Variants in PLEKHH2 observed in about 807,000 individuals in gnomAD.
PLEKHH2 encodes the protein pleckstrin homology, MyTH4 and FERM domain containing H2.
Under a neutral mutation model 187.9 loss-of-function variants are expected in PLEKHH2, and 129 were observed. The observed-to-expected ratio is 0.69, with a 90% CI of 0.59 to 0.79. PLEKHH2 has a LOEUF of 0.79. Among genes scored for constraint, PLEKHH2 ranks in the 30% least tolerant of loss-of-function variants. The probability of loss-of-function intolerance (pLI) is 0.00; values close to 1 mark genes in which losing one functional copy is unlikely to be tolerated. For synonymous variants in PLEKHH2, 686 were observed against 605.6 expected (o/e 1.13, Z -1.95); for missense variants, 2,076 against 1,751.2 (o/e 1.19, Z -3.31).
At chr2:43,646,366 C>A (rs17335631) in intron 2 of PLEKHH2, among the ~76,000 whole-genome samples, 37,108 of 151,980 alleles carry the variant, frequency 0.24, 4,878 homozygotes, top group Non-Finnish European at 0.31. Flanking sequence ...TGTCAGGATC[C>A]ACCAATTATG....
chr2:43,766,128 T>C lies in PLEKHH2; in HGVS notation c.*530T>C, dbSNP rs927828028. The C allele has an allele frequency of 1.3e-5, 2 of 152,876 alleles. No homozygotes were observed. The highest frequency in any genetic ancestry group is 2.1e-4 in the South Asian group (1 of 4,848). The allele number at this position is 152,876 out of a possible 1,614,324, so 9.5% of individuals were successfully genotyped here. A position where few individuals can be genotyped will look rare whatever the true frequency, so the allele number is the denominator to read the frequency against. ...GCGAGGAGTACATTTTCAGAGCAGG[T>C]GCAGTACATCTTCCGGCTCTATGAA... On this transcript the variant is annotated 3_prime_UTR_variant, in exon 30 of 30. Transcript: ENST00000282406.
intron 2 of PLEKHH2, among the ~76,000 whole-genome samples, chr2:43,669,663 C>T (rs1430975663): frequency 6.6e-6 from 1 of 151,690 alleles, no homozygotes; most frequent in Non-Finnish European, 1.5e-5. Context: ...AATGGATAAA[C>T]TCAACACATA....
chr2:43,753,730 G>A lies in PLEKHH2; in HGVS notation c.3765G>A (p.Leu1255=). ...INGLFPLNKD[L]ALEMAALLSQ... ...GACTTTTTCCTCTGAACAAAGATCT[G>A]GCATTAGAAATGGCAGCTCTTTTAT... The change falls in exon 25 of 30, where the codon CTG becomes CTA. Residue 1255 remains leucine, a synonymous_variant. Transcript: ENST00000282406. 6.3e-7 allele frequency: 1 copy of A among 1,575,044 alleles called. No homozygotes were observed. The highest frequency in any genetic ancestry group is 1.4e-5 in the African/African-American group (1 of 72,826).
chr2:43,767,986 C>T lies in PLEKHH2; in HGVS notation c.*2388C>T, dbSNP rs1417398032. ...GTCATAATAAATGATTTACAAAACC[C>T]ATTTTGAGCATTATCTTTTGAATAA... On this transcript the variant is annotated 3_prime_UTR_variant, in exon 30 of 30. Transcript: ENST00000282406. The T allele has an allele frequency of 2.0e-5, 3 of 152,652 alleles. No homozygotes were observed. The highest frequency in any genetic ancestry group is 2.0e-4 in the Admixed American group (3 of 15,280). The allele number at this position is 152,652 out of a possible 1,614,324, so 9.5% of individuals were successfully genotyped here.
chr2:43,742,771 C>T lies in PLEKHH2; in HGVS notation c.3252C>T (p.Cys1084=). The change falls in exon 22 of 30, where the codon TGC becomes TGT. Residue 1084 remains cysteine, a synonymous_variant. Coordinates refer to ENST00000282406, the MANE Select transcript of PLEKHH2 (RefSeq NM_172069.4). ...AATTTGGAAAATATGCCATTTACTG[C>T]CAGCGTTGTGTAGAAAGAACGCAAC... The part of the protein sequence containing the change: ...RTEFGKYAIY[C]QRCVERTQQN... The T allele has an allele frequency of 1.3e-6, 2 of 1,590,320 alleles. No individual in the cohort carries two copies. The highest frequency in any genetic ancestry group is 1.4e-5 in the African/African-American group (1 of 73,762).
chr2:43,697,452 T>A, intron 7 of PLEKHH2, 96 bp downstream of exon 7: 1 of 1,022,216 alleles, frequency 9.8e-7, no homozygotes, highest in Non-Finnish European at 1.4e-6. Context: ...TTCCTTATTT[T>A]TTTCTGACAA....
intron 3 of PLEKHH2, among the ~76,000 whole-genome samples, chr2:43,687,966 T>G (rs1319066133): frequency 6.6e-6 from 1 of 152,066 alleles, no homozygotes; most frequent in African/African-American, 2.4e-5. Context: ...TCAGCTAATA[T>G]TTTAGAATTT....
chr2:43,684,603 AG>A (rs1395303043), intron 3 of PLEKHH2, among the ~76,000 whole-genome samples: 2 of 152,158 alleles, frequency 1.3e-5, no homozygotes, highest in Non-Finnish European at 2.9e-5. Flanking sequence ...TCTTTAAAAA[AG>A]GATCCTTGTT....
intron 2 of PLEKHH2, among the ~76,000 whole-genome samples, chr2:43,677,840 C>A (rs562987844): frequency 4.0e-5 from 6 of 148,330 alleles, no homozygotes; most frequent in South Asian, 2.2e-4. Flanking sequence ...GACCCCCCCC[C>A]ACCTCCCTCC....
intron 25 of PLEKHH2, among the ~76,000 whole-genome samples, chr2:43,756,552 G>T (rs560275142): frequency 2.0e-5 from 3 of 152,140 alleles, no homozygotes; most frequent in Non-Finnish European, 4.4e-5. Context: ...CAATAACAAA[G>T]TAGTGACCTT....
rs1317627348 is a variant in PLEKHH2, at chr2:43,714,261, T to C, written c.2460+1878T>C. 3.9e-5 allele frequency among the ~76,000 whole-genome samples: 6 copies of C among 152,236 alleles called. No individual in the cohort carries two copies. The East Asian group carries it at 9.6e-4, about 24-fold the overall frequency. ...ATCAGCAAGGCATGTCAGTTTCTGC[T>C]CCTATAACATTTCTGCGATTCTCCA... On this transcript the variant is annotated intron_variant, in intron 15 of 29. Coordinates refer to ENST00000282406, the MANE Select transcript of PLEKHH2 (RefSeq NM_172069.4).
intron 24 of PLEKHH2, among the ~76,000 whole-genome samples, chr2:43,752,566 G>T (rs1319489647): frequency 1.3e-5 from 2 of 152,210 alleles, no homozygotes; most frequent in East Asian, 3.9e-4. Flanking sequence ...GGAAGAAAAG[G>T]CTGAAAATGC....
Position 43,699,849 on chromosome 2 carries a change from ATC to A in PLEKHH2, c.892_893del (p.Ser298GlnfsTer14). The A allele has an allele frequency of 6.2e-7, 1 of 1,614,162 alleles. No homozygotes were observed. The highest frequency in any genetic ancestry group is 8.5e-7 in the Non-Finnish European group (1 of 1,180,018). On this transcript the variant is annotated frameshift_variant, in exon 8 of 30. Coordinates refer to ENST00000282406, the MANE Select transcript of PLEKHH2 (RefSeq NM_172069.4). LOFTEE classifies it high-confidence loss of function. Reference protein sequence around the residue: ...SDEEDGSKGRSKSRCTSTLSS... With the variant: ...SDEEDGSKGRXKSRCTSTLSS... Reference sequence around the variant, plus strand: ...ATGAGGAAGACGGGAGCAAAGGAAGATCCAAGTCCAGATGCACATCCACCCTC... The same window carrying A: ...ATGAGGAAGACGGGAGCAAAGGAAGACAAGTCCAGATGCACATCCACCCTC...
chr2:43,684,991 A>G (rs1668430761), intron 3 of PLEKHH2, among the ~76,000 whole-genome samples: 1 of 152,234 alleles, frequency 6.6e-6, no homozygotes, highest in African/African-American at 2.4e-5. Context: ...CTAAAAGTCG[A>G]CAGGAAATAC....
At chr2:43,739,218 G>A (rs1671445823) in intron 20 of PLEKHH2, among the ~76,000 whole-genome samples, 2 of 151,980 alleles carry the variant, frequency 1.3e-5, no homozygotes, top group African/African-American at 2.4e-5. Context: ...GACAGGTCCA[G>A]CGAATTCCTT....
At chr2:43,719,349 A>G (rs1670370269) in intron 15 of PLEKHH2, among the ~76,000 whole-genome samples, 1 of 152,228 alleles carries the variant, frequency 6.6e-6, no homozygotes, top group African/African-American at 2.4e-5. Context: ...ATTACTTTGT[A>G]TGATTACTTC....
At chr2:43,691,638 C>T in intron 3 of PLEKHH2, among the ~76,000 whole-genome samples, 1 of 152,202 alleles carries the variant, frequency 6.6e-6, no homozygotes, top group Non-Finnish European at 1.5e-5. Context: ...TGTCTGCCTC[C>T]CGCCTCTATC....
intron 6 of PLEKHH2, among the ~76,000 whole-genome samples, chr2:43,695,651 C>A (rs549208945): frequency 8.5e-4 from 129 of 152,210 alleles, no homozygotes; most frequent in African/African-American, 3.1e-3. Flanking sequence ...ACATTTTGCT[C>A]CTTCTAAGTG....
chr2:43,678,593 G>A (rs906767321), intron 2 of PLEKHH2, among the ~76,000 whole-genome samples: 1 of 152,062 alleles, frequency 6.6e-6, no homozygotes, highest in Non-Finnish European at 1.5e-5. Flanking sequence ...GCCTGCAATC[G>A]CAGGCACTCG....
Sources: gnomAD v4.1 joint callset for allele counts (sites outside exome capture counted in the v4.1 genomes callset) on GRCh38, gnomAD v4.1.1 for gene constraint, MANE v1.5 for transcripts, NCBI Gene and HGNC (gene_info 2026-07-23, HGNC 2026-07-21) for gene names.